Variants in SLC8A1 observed in about 807,000 individuals in gnomAD.
SLC8A1 encodes solute carrier family 8 member A1.
In SLC8A1, 18 loss-of-function variants were observed where a neutral mutation model predicts 68.3. That is an observed-to-expected ratio of 0.26 (90% CI 0.18 to 0.39). The LOEUF is 0.39. Among genes scored for constraint, SLC8A1 ranks in the 10% least tolerant of loss-of-function variants. SLC8A1 has a pLI of 1.00. For missense variants in SLC8A1, 985 were observed against 1,156.7 expected (o/e 0.85, Z 2.15); for synonymous variants, 475 against 415.5 (o/e 1.14, Z -1.74).
At chr2:40,103,917 C>T (rs970050539) in exon 8 of SLC8A1, 1 of 152,156 alleles carries the variant, frequency 6.6e-6, no homozygotes, top group Admixed American at 6.5e-5. Context: ...ACCTTCAACC[C>T]ATACACATAA....
At chr2:40,389,407 T>C (rs945169808) in intron 2 of SLC8A1, among the ~76,000 whole-genome samples, 1 of 152,134 alleles carries the variant, frequency 6.6e-6, no homozygotes, top group Non-Finnish European at 1.5e-5. Context: ...TACAATCTAA[T>C]CTAAGCTTCC....
chr2:40,297,320 A>G (rs1294612405), intron 2 of SLC8A1, among the ~76,000 whole-genome samples: 1 of 152,192 alleles, frequency 6.6e-6, no homozygotes, highest in African/African-American at 2.4e-5. Flanking sequence ...TAGCTATGCC[A>G]CTTTCTTGCT....
chr2:40,195,150 G>A lies in SLC8A1; in HGVS notation c.1809-17295C>T, dbSNP rs544335312. ...AACTGAAGTCTTGAAATCAACACAG[G>A]GAAGCAAAAACCAGTTAGAAAGTCA... On this transcript the variant is annotated intron_variant, in intron 2 of 7. Coordinates refer to ENST00000406785, the Ensembl canonical transcript of SLC8A1. 9.7e-4 allele frequency among the ~76,000 whole-genome samples: 148 copies of A among 152,018 alleles called. 1 individual carries two copies. The highest frequency in any genetic ancestry group is 3.4e-3 in the African/African-American group (140 of 41,464).
intron 2 of SLC8A1, among the ~76,000 whole-genome samples, chr2:40,406,634 T>C (rs1478974946): frequency 1.3e-5 from 2 of 152,094 alleles, no homozygotes; most frequent in African/African-American, 4.8e-5. Flanking sequence ...ATAAGATCAG[T>C]GTGGCAGAGC....
intron 2 of SLC8A1, among the ~76,000 whole-genome samples, chr2:40,280,786 G>A (rs1457879606): frequency 6.6e-6 from 1 of 152,154 alleles, no homozygotes; most frequent in African/African-American, 2.4e-5. Flanking sequence ...ACATCTGAAT[G>A]GAGTCTTTGA....
intron 2 of SLC8A1, among the ~76,000 whole-genome samples, chr2:40,392,886 T>C (rs114875983): frequency 2.6e-3 from 399 of 152,206 alleles, no homozygotes; most frequent in African/African-American, 9.2e-3. Context: ...CACTTCTTCT[T>C]ACCCTGCATA....
At chr2:40,499,613 C>T (rs948742217) in intron 1 of SLC8A1, among the ~76,000 whole-genome samples, 4 of 152,126 alleles carry the variant, frequency 2.6e-5, no homozygotes, top group East Asian at 1.9e-4. Context: ...GCTGTCTGCC[C>T]ACACACTTCC....
intron 1 of SLC8A1, among the ~76,000 whole-genome samples, chr2:40,458,890 A>G (rs1386802322): frequency 6.6e-6 from 1 of 152,178 alleles, no homozygotes; most frequent in African/African-American, 2.4e-5. Flanking sequence ...AGGAATATGT[A>G]AGTTTCCTGA....
chr2:40,430,356 G>T, intron 1 of SLC8A1, 52 bp from the exon 2 acceptor site: 1 of 1,490,528 alleles, frequency 6.7e-7, no homozygotes, highest in Non-Finnish European at 9.0e-7. Context: ...TGTCATTAGA[G>T]CTGCAGCCAA....
chr2:40,354,992 T>A (rs971659947), intron 2 of SLC8A1, among the ~76,000 whole-genome samples: 51 of 152,258 alleles, frequency 3.3e-4, no homozygotes, highest in Non-Finnish European at 7.2e-4. Flanking sequence ...TGACATAAAA[T>A]TTCTATTAAC....
At chr2:40,097,342 A>G (rs2033630437) in exon 8 of SLC8A1, 1 of 152,048 alleles carries the variant, frequency 6.6e-6, no homozygotes, top group African/African-American at 2.4e-5. Context: ...TAAGACAATG[A>G]TTTATACAGA....
intron 1 of SLC8A1, among the ~76,000 whole-genome samples, chr2:40,444,448 A>C (rs1192431956): frequency 6.6e-6 from 1 of 152,180 alleles, no homozygotes; most frequent in East Asian, 1.9e-4. Context: ...AATATCTCAG[A>C]AGTGATGGAG....
chr2:40,322,499 G>A (rs2075318543), intron 2 of SLC8A1, among the ~76,000 whole-genome samples: 1 of 109,166 alleles, frequency 9.2e-6, no homozygotes, highest in South Asian at 2.7e-4. Context: ...TCTACAAAAG[G>A]TTAAAAAAAA....
chr2:40,468,109 A>G (rs1703798153), intron 1 of SLC8A1, among the ~76,000 whole-genome samples: 1 of 152,026 alleles, frequency 6.6e-6, no homozygotes, highest in South Asian at 2.1e-4. Flanking sequence ...CACATAATAT[A>G]CCCATTTATT....
At chr2:40,201,094 C>T (rs568681984) in intron 2 of SLC8A1, among the ~76,000 whole-genome samples, 5 of 151,346 alleles carry the variant, frequency 3.3e-5, no homozygotes, top group African/African-American at 4.8e-5. Flanking sequence ...AAATCTTGAA[C>T]GGAGACCCCC....
At chr2:40,250,773 G>C (rs552268924) in intron 2 of SLC8A1, among the ~76,000 whole-genome samples, 4 of 152,300 alleles carry the variant, frequency 2.6e-5, no homozygotes, top group Middle Eastern at 3.4e-3. Flanking sequence ...AGAATTTGGG[G>C]TTTGGGGAAA....
rs572600418 is a variant in SLC8A1, at chr2:40,285,840, A to G, written c.1809-107985T>C. 2.6e-5 allele frequency among the ~76,000 whole-genome samples: 4 copies of G among 152,298 alleles called. No homozygotes were observed. In the South Asian group the frequency reaches 6.2e-4, roughly 24 times the overall value. Reference sequence around the variant, plus strand: ...TCCCTGTGCATAAAAAATATATATTATAGATAGAACTTTGTGCTTGCCATT... The same window carrying G: ...TCCCTGTGCATAAAAAATATATATTGTAGATAGAACTTTGTGCTTGCCATT... On this transcript the variant is annotated intron_variant, in intron 2 of 7. Coordinates refer to ENST00000406785, the Ensembl canonical transcript of SLC8A1.
intron 7 of SLC8A1, among the ~76,000 whole-genome samples, chr2:40,128,354 C>T (rs1212511711): frequency 6.6e-6 from 1 of 152,210 alleles, no homozygotes; most frequent in African/African-American, 2.4e-5. Context: ...AACAATGTGT[C>T]ATTCTTTGTG....
chr2:40,366,192 A>G (rs1676145251), intron 2 of SLC8A1, among the ~76,000 whole-genome samples: 1 of 152,078 alleles, frequency 6.6e-6, no homozygotes, highest in Non-Finnish European at 1.5e-5. Flanking sequence ...ATGGGCTAAT[A>G]CACATGAGTA....
Sources: allele counts gnomAD v4.1 joint callset (sites outside exome capture counted in the v4.1 genomes callset), GRCh38; gene constraint gnomAD v4.1.1; transcripts MANE v1.5; gene names NCBI Gene and HGNC (gene_info 2026-07-23, HGNC 2026-07-21).